Variants in VAV3 observed in about 807,000 individuals in gnomAD.
The protein encoded by VAV3 is guanine nucleotide exchange factor VAV3.
In VAV3, 94 loss-of-function variants were observed where a neutral mutation model predicts 131.2. That is an observed-to-expected ratio of 0.72 (90% CI 0.61 to 0.85). The LOEUF is 0.85. Among genes scored for constraint, VAV3 ranks in the 40% least tolerant of loss-of-function variants. The pLI, the probability that VAV3 is intolerant of heterozygous loss-of-function variation, is 0.00. For synonymous variants in VAV3, 349 were observed against 342.0 expected (o/e 1.02, Z -0.22); for missense variants, 939 against 1,002.7 (o/e 0.94, Z 0.86).
At chr1:107,583,409 G>A (rs903841560) in intron 25 of VAV3, among the ~76,000 whole-genome samples, 15 of 152,086 alleles carry the variant, frequency 9.9e-5, no homozygotes, top group African/African-American at 3.6e-4. Flanking sequence ...TTCTGGCCAG[G>A]GCAATTAGGC....
intron 20 of VAV3, among the ~76,000 whole-genome samples, chr1:107,628,612 C>T (rs1474948780): frequency 6.6e-6 from 1 of 152,182 alleles, no homozygotes; most frequent in Admixed American, 6.5e-5. Flanking sequence ...AAAAGTTATA[C>T]ATAAAGTGAT....
intron 1 of VAV3, among the ~76,000 whole-genome samples, chr1:107,888,850 C>T: frequency 6.6e-6 from 1 of 152,094 alleles, no homozygotes; most frequent in East Asian, 1.9e-4. Context: ...GTCTATATTT[C>T]TACCTAATTG....
intron 19 of VAV3, among the ~76,000 whole-genome samples, chr1:107,646,017 A>G (rs1441460438): frequency 6.6e-6 from 1 of 152,048 alleles, no homozygotes; most frequent in African/African-American, 2.4e-5. Flanking sequence ...TTCCATCTGG[A>G]ATTATGCTGA....
intron 1 of VAV3, among the ~76,000 whole-genome samples, chr1:107,961,996 G>A (rs915637875): frequency 6.6e-6 from 1 of 152,086 alleles, no homozygotes; most frequent in African/African-American, 2.4e-5. Context: ...AGCTAAACAG[G>A]CTACAAACAA....
intron 19 of VAV3, among the ~76,000 whole-genome samples, chr1:107,654,941 T>C (rs1321916161): frequency 1.3e-5 from 2 of 151,762 alleles, no homozygotes; most frequent in Non-Finnish European, 2.9e-5. Flanking sequence ...TAAAGAAAAA[T>C]AAGAATGTTA....
At chr1:107,713,604 T>A (rs1660916053) in intron 15 of VAV3, among the ~76,000 whole-genome samples, 2 of 152,138 alleles carry the variant, frequency 1.3e-5, no homozygotes, top group South Asian at 4.1e-4. Flanking sequence ...TAACAAGACA[T>A]CATTTCACGT....
At chr1:107,850,595 T>C (rs534319529) in intron 2 of VAV3, among the ~76,000 whole-genome samples, 2 of 151,864 alleles carry the variant, frequency 1.3e-5, no homozygotes, top group African/African-American at 2.4e-5. Flanking sequence ...AGGGGAGGGA[T>C]TGCATTAGGA....
At chr1:107,811,652 A>C (rs148868768) in intron 2 of VAV3, among the ~76,000 whole-genome samples, 47 of 152,326 alleles carry the variant, frequency 3.1e-4, no homozygotes, top group Non-Finnish European at 4.6e-4. Context: ...TGGAATTCAT[A>C]AAAAAGCAGA....
chr1:107,784,571 T>A (rs544057643), intron 2 of VAV3, among the ~76,000 whole-genome samples: 1 of 152,316 alleles, frequency 6.6e-6, no homozygotes, highest in South Asian at 2.1e-4. Flanking sequence ...AATATCTGCA[T>A]AAATTTAGAC....
At chr1:107,928,487 T>G (rs935769612) in intron 1 of VAV3, among the ~76,000 whole-genome samples, 1 of 152,230 alleles carries the variant, frequency 6.6e-6, no homozygotes, top group Non-Finnish European at 1.5e-5. Context: ...ATAGCTGTTT[T>G]GAGGAAATTC....
intron 2 of VAV3, among the ~76,000 whole-genome samples, chr1:107,780,024 A>C (rs78287223): frequency 3.9e-5 from 6 of 152,184 alleles, no homozygotes; most frequent in Non-Finnish European, 8.8e-5. Context: ...TCTATTGGAC[A>C]GTCCTGCTAT....
At chr1:107,761,553 T>A (rs918855606) in intron 9 of VAV3, among the ~76,000 whole-genome samples, 2 of 152,110 alleles carry the variant, frequency 1.3e-5, no homozygotes, top group Non-Finnish European at 2.9e-5. Context: ...TCCCTACTCA[T>A]CAAAAGTGTC....
chr1:107,808,310 A>T (rs1667159121), intron 2 of VAV3, among the ~76,000 whole-genome samples: 1 of 152,184 alleles, frequency 6.6e-6, no homozygotes, highest in African/African-American at 2.4e-5. Context: ...GCCTAAGAAG[A>T]AAGTTCTTTT....
At chr1:107,881,476 T>A (rs1670776452) in intron 1 of VAV3, among the ~76,000 whole-genome samples, 1 of 152,178 alleles carries the variant, frequency 6.6e-6, no homozygotes, top group Non-Finnish European at 1.5e-5. Flanking sequence ...TTAATTCTTG[T>A]CTTCACATAT....
chr1:107,922,033 T>C (rs759253315), intron 1 of VAV3, among the ~76,000 whole-genome samples: 1 of 152,188 alleles, frequency 6.6e-6, no homozygotes, highest in Non-Finnish European at 1.5e-5. Flanking sequence ...CTGAGGAAGA[T>C]TCAGTGCTTG....
In VAV3 at chr1:107,945,777, G is replaced by A. The variant is rs117513693; in HGVS notation, c.204+18889C>T. Among the ~76,000 whole-genome samples the A allele has an allele frequency of 1.3e-3, 191 of 144,684 alleles. 5 individuals are homozygous for A. The East Asian group carries it at 0.037, about 28-fold the overall frequency. 94.9% of individuals were successfully genotyped at this position (144,684 alleles called of 152,430 possible). A position where few individuals can be genotyped will look rare whatever the true frequency, so the allele number is the denominator to read the frequency against. On this transcript the variant is annotated intron_variant, in intron 1 of 26. Transcript: ENST00000370056. ...GCAGAGGTTGCAGTGAATCGAGATC[G>A]CGCCATTACACTCCAGCTTGAGCGA...
At chr1:107,688,465 C>T (rs764740134) in intron 17 of VAV3, 59 bp from the exon 18 acceptor site, 8 of 1,608,288 alleles carry the variant, frequency 5.0e-6, no homozygotes, top group Non-Finnish European at 6.8e-6. Flanking sequence ...TGGTTAGCAA[C>T]CTTAGCTTTC....
intron 2 of VAV3, among the ~76,000 whole-genome samples, chr1:107,838,494 T>C (rs764369316): frequency 5.3e-5 from 8 of 152,192 alleles, no homozygotes; most frequent in African/African-American, 9.7e-5. Flanking sequence ...TTTTACACTG[T>C]TGATGGAAAT....
At chr1:107,920,420 C>T (rs1323918524) in intron 1 of VAV3, among the ~76,000 whole-genome samples, 1 of 152,146 alleles carries the variant, frequency 6.6e-6, no homozygotes, top group Non-Finnish European at 1.5e-5. Context: ...TAAAACCAAA[C>T]CAAACCAAAC....
Sources: allele counts gnomAD v4.1 joint callset (sites outside exome capture counted in the v4.1 genomes callset), GRCh38; gene constraint gnomAD v4.1.1; transcripts MANE v1.5; gene names NCBI Gene and HGNC (gene_info 2026-07-23, HGNC 2026-07-21).